Variants in LEMD3 observed in about 807,000 individuals in gnomAD.
LEMD3 encodes the protein LEM domain containing 3.
In LEMD3, 33 loss-of-function variants were observed where a neutral mutation model predicts 95.2. The observed-to-expected ratio is 0.35, with a 90% CI of 0.26 to 0.46. LEMD3 has a LOEUF of 0.46. LEMD3 is among the 20% of genes least tolerant of loss of function. LEMD3 has a pLI of 1.00. For missense variants in LEMD3, 1,210 were observed against 1,192.8 expected (o/e 1.01, Z -0.21); for synonymous variants, 525 against 474.6 (o/e 1.11, Z -1.38).
At position 65,238,675 on chromosome 12, in the gene LEMD3, T is replaced by C. The variant is rs1329728691; in HGVS notation, c.1782T>C (p.Val594=). Residue 594 remains valine, a synonymous_variant, in exon 6 of 13, where the codon GTT becomes GTC. Transcript: ENST00000308330. ...CTTACTTATTTTTAAATAGGTGTGT[T>C]GGTTTTGGCCCTGAGGAAGAATTGA... ...ENGKDVGIRC[V]GFGPEEELTN... 1.2e-6 allele frequency: 2 copies of C among 1,614,010 alleles called. No individual in the cohort carries two copies. Among genetic ancestry groups the C allele is most frequent in the South Asian group, 1.1e-5 (1 of 91,090 alleles).
intron 4 of LEMD3, among the ~76,000 whole-genome samples, chr12:65,223,870 T>C (rs1870369261): frequency 6.6e-6 from 1 of 151,646 alleles, no homozygotes; most frequent in South Asian, 2.1e-4. Flanking sequence ...TGTGATTTCT[T>C]TCTCATTTTC....
intron 1 of LEMD3, among the ~76,000 whole-genome samples, chr12:65,204,172 T>TC (rs1869692082): frequency 6.6e-6 from 1 of 151,892 alleles, no homozygotes; most frequent in Non-Finnish European, 1.5e-5. Flanking sequence ...CTTTTTTTTT[T>TC]CATTTTTTTT....
chr12:65,209,458 CAAG>C (rs1869867927), intron 1 of LEMD3, among the ~76,000 whole-genome samples: 1 of 151,894 alleles, frequency 6.6e-6, no homozygotes, highest in Admixed American at 6.6e-5. Context: ...GGCCAAATGA[CAAG>C]GCATTTTTTT....
In LEMD3 at chr12:65,170,084, C is replaced by T. The variant is rs1247938710; in HGVS notation, c.488C>T (p.Ala163Val). The T allele has an allele frequency of 1.3e-6, 2 of 1,484,982 alleles. No homozygotes were observed. Among genetic ancestry groups the T allele is most frequent in the Non-Finnish European group, 8.9e-7 (1 of 1,127,364 alleles). 92.0% of individuals were successfully genotyped at this position (1,484,982 alleles called of 1,614,324 possible). The change falls in exon 1 of 13, where the codon GCT becomes GTT. Residue 163 changes from alanine to valine, a missense_variant. Ala to Val is a moderately conservative substitution (Grantham distance 64, BLOSUM62 0). This residue lies in a region of LEMD3 where 749 missense variants were observed against 622.9 expected (regional missense o/e 1.20). Coordinates refer to ENST00000308330, the MANE Select transcript of LEMD3 (RefSeq NM_014319.5). Reference sequence around the variant, plus strand: ...GGCGGCGGCGGGAGGAAAGACCGGGCTTCGCTCCAGTACCGCGGGCTCAAA... The same window carrying T: ...GGCGGCGGCGGGAGGAAAGACCGGGTTTCGCTCCAGTACCGCGGGCTCAAA... ...QAGGGGRKDR[A>V]SLQYRGLKAP... is the part of the protein sequence containing the mutation.
At chr12:65,223,519 C>G (rs953010654) in intron 4 of LEMD3, among the ~76,000 whole-genome samples, 1 of 151,784 alleles carries the variant, frequency 6.6e-6, no homozygotes, top group Non-Finnish European at 1.5e-5. Flanking sequence ...GCCTTTAAGT[C>G]AAAAATTTGT....
intron 6 of LEMD3, 37 bp from the exon 7 acceptor site, chr12:65,239,892 C>A: frequency 1.4e-6 from 2 of 1,393,732 alleles, no homozygotes; most frequent in South Asian, 1.2e-5. Flanking sequence ...TGATATTGAC[C>A]ACAATTTTTA....
chr12:65,226,677 G>A (rs1011908235), intron 4 of LEMD3, among the ~76,000 whole-genome samples: 1 of 152,142 alleles, frequency 6.6e-6, no homozygotes, highest in South Asian at 2.1e-4. Context: ...ATTATATCTG[G>A]AGTCAAATTC....
Position 65,170,822 on chromosome 12 carries a change from G to A in LEMD3, c.1226G>A (p.Ser409Asn). Residue 409 changes from serine (S) to asparagine (N), a missense_variant, in exon 1 of 13, where the codon AGT becomes AAT. Coordinates refer to ENST00000308330, the MANE Select transcript of LEMD3 (RefSeq NM_014319.5). ...GACTCCCCCAGGATTTATTCTAACA[G>A]TCTCCCTCCCAGTGCGGCGGTGGCC... ...SVDSPRIYSN[S>N]LPPSAAVAAS... The A allele has an allele frequency of 6.2e-7, 1 of 1,614,224 alleles. No individual in the cohort carries two copies. Among genetic ancestry groups the A allele is most frequent in the Non-Finnish European group, 8.5e-7 (1 of 1,180,036 alleles).
intron 1 of LEMD3, among the ~76,000 whole-genome samples, chr12:65,199,741 GT>G (rs1001357421): frequency 1.3e-5 from 2 of 151,850 alleles, no homozygotes; most frequent in Non-Finnish European, 2.9e-5. Flanking sequence ...CCATGTGCAA[GT>G]TTTTTTTATG....
At chr12:65,178,150 C>G (rs567700169) in intron 1 of LEMD3, among the ~76,000 whole-genome samples, 22 of 151,584 alleles carry the variant, frequency 1.5e-4, no homozygotes, top group African/African-American at 4.6e-4. Flanking sequence ...CCGGCCTATT[C>G]TCTCATTCTT....
At chr12:65,187,940 A>AT (rs1404378471) in intron 1 of LEMD3, among the ~76,000 whole-genome samples, 1 of 152,126 alleles carries the variant, frequency 6.6e-6, no homozygotes, top group Admixed American at 6.6e-5. Context: ...ATGTAGGAAA[A>AT]TAAGTTTGAA....
chr12:65,170,144 C>T lies in LEMD3; in HGVS notation c.548C>T (p.Thr183Ile). Residue 183 changes from threonine to isoleucine, a missense_variant, in exon 1 of 13, where the codon ACT becomes ATT. This residue lies in a region of LEMD3 where 749 missense variants were observed against 622.9 expected (regional missense o/e 1.20). Coordinates refer to ENST00000308330, the MANE Select transcript of LEMD3 (RefSeq NM_014319.5). ...PPAPLAASEV[T>I]NSNSAERRKP... ...GCGCCCCTGGCCGCCAGCGAGGTGA[C>T]TAACAGCAACTCTGCAGAGCGAAGG... 6.8e-7 allele frequency: 1 copy of T among 1,474,786 alleles called. No homozygotes were observed. The highest frequency in any genetic ancestry group is 8.9e-7 in the Non-Finnish European group (1 of 1,118,102). 91.4% of individuals were successfully genotyped at this position (1,474,786 alleles called of 1,614,324 possible).
chr12:65,186,120 C>T (rs1278113612), intron 1 of LEMD3, among the ~76,000 whole-genome samples: 1 of 152,052 alleles, frequency 6.6e-6, no homozygotes, highest in East Asian at 1.9e-4. Context: ...TACAAAACAT[C>T]CTATTTTACA....
At chr12:65,192,993 CTTAAG>C (rs1179906156) in intron 1 of LEMD3, among the ~76,000 whole-genome samples, 3 of 152,162 alleles carry the variant, frequency 2.0e-5, no homozygotes, top group Non-Finnish European at 1.5e-5. Context: ...AAGCAAGAAT[CTTAAG>C]TTAAATACAT....
At chr12:65,185,421 T>C (rs1427973948) in intron 1 of LEMD3, among the ~76,000 whole-genome samples, 1 of 152,148 alleles carries the variant, frequency 6.6e-6, no homozygotes, top group Non-Finnish European at 1.5e-5. Flanking sequence ...GTGCCCATTA[T>C]AAAGTTTGTC....
chr12:65,205,774 T>C (rs185614509), intron 1 of LEMD3, among the ~76,000 whole-genome samples: 1 of 152,242 alleles, frequency 6.6e-6, no homozygotes, highest in Non-Finnish European at 1.5e-5. Flanking sequence ...AATTGAAAGG[T>C]TATTAATGAA....
At chr12:65,186,628 T>C (rs1869072506) in intron 1 of LEMD3, among the ~76,000 whole-genome samples, 1 of 149,210 alleles carries the variant, frequency 6.7e-6, no homozygotes. Context: ...TTGGTTTAGA[T>C]TGCTTTTTTT....
intron 1 of LEMD3, among the ~76,000 whole-genome samples, chr12:65,182,450 A>C (rs1217704063): frequency 6.6e-6 from 1 of 152,206 alleles, no homozygotes. Flanking sequence ...CATGTTCAGC[A>C]TTATGACATG....
chr12:65,171,732 A>C (rs999600025), intron 1 of LEMD3: 2 of 156,572 alleles, frequency 1.3e-5, no homozygotes, highest in East Asian at 1.9e-4. Flanking sequence ...AGGGCAGTGC[A>C]GGAGCTTGCA....
Sources: gnomAD v4.1 joint callset for allele counts (sites outside exome capture counted in the v4.1 genomes callset) on GRCh38, gnomAD v4.1.1 for gene constraint, gnomAD v4.1.1 regional missense constraint, MANE v1.5 for transcripts, NCBI Gene and HGNC (gene_info 2026-07-23, HGNC 2026-07-21) for gene names.